The following ORC5 variants were observed in gnomAD, a reference collection of about 807,000 sequenced individuals.
ORC5 encodes protein phosphatase 1, regulatory subunit 117.
A neutral mutation model predicts 58.8 loss-of-function variants in ORC5; 39 were observed. The observed-to-expected ratio is 0.66, with a 90% CI of 0.51 to 0.87. ORC5 has a LOEUF of 0.87. Ranked by LOEUF, ORC5 falls within the 40% of genes least tolerant of loss-of-function variation. The probability of loss-of-function intolerance (pLI) is 0.00; values close to 1 mark genes in which losing one functional copy is unlikely to be tolerated. For synonymous variants in ORC5, 218 were observed against 177.6 expected (o/e 1.23, Z -1.81); for missense variants, 493 against 506.3 (o/e 0.97, Z 0.25).
At chr7:104,145,693 G>A (rs1271991205) in intron 12 of ORC5, among the ~76,000 whole-genome samples, 1 of 151,976 alleles carries the variant, frequency 6.6e-6, no homozygotes, top group Non-Finnish European at 1.5e-5. Context: ...TAATATAAGA[G>A]GCGACCAAAA....
chr7:104,147,619 T>C (rs1282589714), intron 12 of ORC5, among the ~76,000 whole-genome samples: 2 of 152,180 alleles, frequency 1.3e-5, no homozygotes, highest in Non-Finnish European at 2.9e-5. Context: ...TATCAGTCCC[T>C]AGTCAGTCAC....
intron 2 of ORC5, among the ~76,000 whole-genome samples, chr7:104,203,064 G>C (rs960480669): frequency 1.3e-5 from 2 of 152,176 alleles, no homozygotes; most frequent in African/African-American, 4.8e-5. Flanking sequence ...ATAAGTAGAA[G>C]AAAACCTGGC....
intron 12 of ORC5, among the ~76,000 whole-genome samples, chr7:104,144,512 T>C (rs937732481): frequency 5.9e-5 from 9 of 152,290 alleles, no homozygotes; most frequent in South Asian, 4.2e-4. Flanking sequence ...TCCCAGCACA[T>C]TGGGAGGCCG....
At chr7:104,141,919 G>A (rs1798679928) in intron 12 of ORC5, among the ~76,000 whole-genome samples, 1 of 152,104 alleles carries the variant, frequency 6.6e-6, no homozygotes, top group Admixed American at 6.6e-5. Context: ...CAGATTCAAT[G>A]CAATCCCCAT....
chr7:104,165,037 A>G (rs943843836), intron 11 of ORC5, among the ~76,000 whole-genome samples, 198 bp downstream of exon 11: 1 of 152,224 alleles, frequency 6.6e-6, no homozygotes, highest in African/African-American at 2.4e-5. Flanking sequence ...ACTCAGTTTT[A>G]AACTCCAGCA....
intron 12 of ORC5, among the ~76,000 whole-genome samples, chr7:104,140,082 G>A (rs1361586616): frequency 1.3e-5 from 2 of 151,866 alleles, no homozygotes; most frequent in Non-Finnish European, 2.9e-5. Flanking sequence ...TCTTAATATA[G>A]CTATATTAGC....
At chr7:104,158,301 C>T (rs923703798) in intron 12 of ORC5, among the ~76,000 whole-genome samples, 3 of 152,112 alleles carry the variant, frequency 2.0e-5, no homozygotes, top group Non-Finnish European at 4.4e-5. Context: ...GGATCCCTTC[C>T]TTACACCTTA....
Position 104,126,823 on chromosome 7 carries a change from G to C in ORC5, c.*25C>G. 5 of 1,568,780 alleles carry C rather than the reference G, an allele frequency of 3.2e-6. No homozygotes were observed. The highest frequency in any genetic ancestry group is 4.4e-6 in the Non-Finnish European group (5 of 1,142,482). ...AGCTTGGCTTAGTCATTGTCACAGT[G>C]TCCATATGGCTTTGAAGCTTGTTTT... On this transcript the variant is annotated 3_prime_UTR_variant, in exon 14 of 14. Transcript: ENST00000297431.
chr7:104,148,116 T>C lies in ORC5; in HGVS notation c.1150-11223A>G, dbSNP rs988461524. 3.9e-5 allele frequency among the ~76,000 whole-genome samples: 6 copies of C among 152,216 alleles called. No individual in the cohort carries two copies. In the South Asian group the frequency reaches 6.2e-4, roughly 16 times the overall value. ...CTGTGTCCAGGCTCTGTGACAGACATTGTGCATCCTCAATTCTCACAAAAA... is the reference window on the plus strand; with the variant it reads ...CTGTGTCCAGGCTCTGTGACAGACACTGTGCATCCTCAATTCTCACAAAAA... On this transcript the variant is annotated intron_variant, in intron 12 of 13. Coordinates refer to ENST00000297431, the MANE Select transcript of ORC5 (RefSeq NM_002553.4).
intron 1 of ORC5, among the ~76,000 whole-genome samples, chr7:104,204,985 GAA>G (rs1800038957): frequency 6.6e-6 from 1 of 151,422 alleles, no homozygotes; most frequent in Admixed American, 6.6e-5. Context: ...ATGAGGTACT[GAA>G]GAGAACAAAT....
At chr7:104,150,624 C>G (rs6944360) in intron 12 of ORC5, among the ~76,000 whole-genome samples, 3 of 151,756 alleles carry the variant, frequency 2.0e-5, no homozygotes, top group Admixed American at 2.0e-4. Context: ...TGTTTATACA[C>G]AGAGCAACTG....
At position 104,137,102 on chromosome 7, in the gene ORC5, GTTTT is replaced by G. The variant is rs555220622; in HGVS notation, c.1150-213_1150-210del. Among the ~76,000 whole-genome samples the G allele has an allele frequency of 7.8e-3, 1,067 of 137,644 alleles. 15 individuals are homozygous for G. The highest frequency in any genetic ancestry group is 0.027 in the African/African-American group (1,012 of 37,826). The allele number at this position is 137,644 out of a possible 152,430, so 90.3% of individuals were successfully genotyped here. A position where few individuals can be genotyped will look rare whatever the true frequency, so the allele number is the denominator to read the frequency against. ...GACTAGTTGTCAGAGTCCTAGTTTT[GTTTT>G]TTTTTTTTTTCTTAGAGATATGGTC... is the stretch of plus-strand genomic sequence containing the variant. On this transcript the variant is annotated intron_variant, in intron 12 of 13. Transcript: ENST00000297431.
rs528727652 is a variant in ORC5, at chr7:104,183,787, C to G, written c.824+156G>C. On this transcript the variant is annotated intron_variant, in intron 8 of 13. Transcript: ENST00000297431. ...GTCTTCCTTTACCTCCCTGAAGATG[C>G]AGAGTTTACTACAGCATGTGCTTTC... Among the ~76,000 whole-genome samples, 3 of 152,322 alleles carry G rather than the reference C, an allele frequency of 2.0e-5. No individual in the cohort carries two copies. The South Asian group carries it at 6.2e-4, about 32-fold the overall frequency.
At chr7:104,166,405 G>C (rs1010833765) in intron 10 of ORC5, among the ~76,000 whole-genome samples, 5 of 152,222 alleles carry the variant, frequency 3.3e-5, no homozygotes, top group Non-Finnish European at 5.9e-5. Flanking sequence ...TCCAACTAAT[G>C]TATGTACAGG....
intron 12 of ORC5, among the ~76,000 whole-genome samples, chr7:104,147,509 C>T (rs553471548): frequency 7.9e-5 from 12 of 152,166 alleles, no homozygotes; most frequent in African/African-American, 2.9e-4. Flanking sequence ...AATAATTGCA[C>T]AGTAAAATTC....
intron 12 of ORC5, among the ~76,000 whole-genome samples, chr7:104,144,719 T>C (rs914989825): frequency 3.3e-5 from 5 of 152,238 alleles, no homozygotes; most frequent in Non-Finnish European, 7.3e-5. Flanking sequence ...ATCGTGCCAC[T>C]GTACTCCACC....
At chr7:104,191,876 G>T (rs1190895179) in intron 5 of ORC5, among the ~76,000 whole-genome samples, 1 of 152,136 alleles carries the variant, frequency 6.6e-6, no homozygotes, top group African/African-American at 2.4e-5. Context: ...CTACCTTGGA[G>T]AGAGACTTCT....
intron 12 of ORC5, among the ~76,000 whole-genome samples, chr7:104,153,316 T>C (rs889947846): frequency 6.6e-6 from 1 of 152,150 alleles, no homozygotes; most frequent in African/African-American, 2.4e-5. Flanking sequence ...AGTAGGAGAT[T>C]TGAGAATCTC....
chr7:104,168,960 T>C (rs376592299), intron 8 of ORC5, among the ~76,000 whole-genome samples: 101 of 152,290 alleles, frequency 6.6e-4, no homozygotes, highest in African/African-American at 2.1e-3. Flanking sequence ...CGCATGCCTA[T>C]ACTCCCAGCT....
Sources: gnomAD v4.1 joint callset for allele counts (sites outside exome capture counted in the v4.1 genomes callset) on GRCh38, gnomAD v4.1.1 for gene constraint, MANE v1.5 for transcripts, NCBI Gene and HGNC (gene_info 2026-07-23, HGNC 2026-07-21) for gene names.